SETD5: variants seen among roughly 807,000 people sequenced by gnomAD.
SETD5 encodes the protein histone-lysine N-methyltransferase SETD5.
A neutral mutation model predicts 153.3 loss-of-function variants in SETD5; 44 were observed. The observed-to-expected ratio is 0.29, with a 90% CI of 0.23 to 0.37. SETD5 has a LOEUF of 0.37. Ranked by LOEUF, SETD5 falls within the 10% of genes least tolerant of loss-of-function variation. SETD5 has a pLI of 1.00. For missense variants in SETD5, 1,544 were observed against 1,768.0 expected (o/e 0.87, Z 2.27); for synonymous variants, 716 against 645.2 (o/e 1.11, Z -1.66).
Position 9,445,115 on chromosome 3 carries a change from A to T in SETD5, c.1255A>T (p.Asn419Tyr). 1 of 1,614,004 alleles carries T rather than the reference A, an allele frequency of 6.2e-7. No homozygotes were observed. Among genetic ancestry groups the T allele is most frequent in the Non-Finnish European group, 8.5e-7 (1 of 1,179,886 alleles). ...TTGTCCTATACAAAAAAGGAATCCT[A>T]ATGCTACAGAACTGCCACTCCTACC... Reference protein sequence around the residue: ...RNCPIQKRNPNATELPLLPPP... With the variant: ...RNCPIQKRNPYATELPLLPPP... Residue 419 changes from asparagine (N) to tyrosine (Y), a missense_variant, in exon 12 of 23, where the codon AAT (asparagine) becomes TAT (tyrosine). By Grantham distance (143) the Asn-to-Tyr change is moderately radical. Transcript: ENST00000402198.
intron 18 of SETD5, among the ~76,000 whole-genome samples, chr3:9,469,666 T>G (rs1227956692): frequency 6.6e-6 from 1 of 152,238 alleles, no homozygotes; most frequent in Non-Finnish European, 1.5e-5. Flanking sequence ...TCTGGTTTTC[T>G]GGTACCATTC....
chr3:9,446,946 A>G (rs2042091973), intron 13 of SETD5, 104 bp from the exon 14 acceptor site: 2 of 723,592 alleles, frequency 2.8e-6, no homozygotes, highest in East Asian at 2.7e-5. Flanking sequence ...TCTTACTGGT[A>G]GTTAAATGAA....
Position 9,435,719 on chromosome 3 carries a change from AT to A in SETD5, c.389-4del. On this transcript the variant is annotated splice_region_variant and splice_polypyrimidine_tract_variant and intron_variant, in intron 6 of 22. Coordinates refer to ENST00000402198, the MANE Select transcript of SETD5 (RefSeq NM_001080517.3). ...TTAGTACCTGAACTATGAAATCATC[AT>A]TTTTCAGGTGGGGATAGCAGTGCAA... is the stretch of plus-strand genomic sequence containing the variant. 1.3e-6 allele frequency: 2 copies of A among 1,561,488 alleles called. No individual in the cohort carries two copies. Among genetic ancestry groups the A allele is most frequent in the Non-Finnish European group, 1.7e-6 (2 of 1,156,590 alleles).
At chr3:9,456,078 A>G (rs552108252) in intron 17 of SETD5, among the ~76,000 whole-genome samples, 7 of 152,222 alleles carry the variant, frequency 4.6e-5, no homozygotes, top group Non-Finnish European at 2.9e-5. Flanking sequence ...CAAGAATACC[A>G]AAGAGACATT....
intron 17 of SETD5, among the ~76,000 whole-genome samples, chr3:9,461,682 A>G (rs2043969916): frequency 6.6e-6 from 1 of 152,208 alleles, no homozygotes; most frequent in Admixed American, 6.5e-5. Flanking sequence ...ATAAGTACTC[A>G]GTAAATATAT....
intron 1 of SETD5, among the ~76,000 whole-genome samples, chr3:9,415,702 A>G (rs1192067871): frequency 1.3e-5 from 2 of 151,744 alleles, no homozygotes; most frequent in Non-Finnish European, 2.9e-5. Flanking sequence ...GGATCCTCCC[A>G]CCTCAGCCTC....
intron 3 of SETD5, chr3:9,431,350 G>A (rs1575358535): frequency 2.0e-6 from 2 of 985,394 alleles, no homozygotes; most frequent in African/African-American, 1.7e-5. Context: ...TTCTGTGTAT[G>A]TGTCCAATTC....
Position 9,435,703 on chromosome 3 carries a change from G to C in SETD5, c.389-25G>C, listed in dbSNP as rs372624406. 4.5e-6 allele frequency: 7 copies of C among 1,546,216 alleles called. No homozygotes were observed. In the South Asian group the frequency reaches 8.8e-5, roughly 19 times the overall value. On this transcript the variant is annotated intron_variant, in intron 6 of 22. Coordinates refer to ENST00000402198, the MANE Select transcript of SETD5 (RefSeq NM_001080517.3). Reference sequence around the variant, plus strand: ...TGTACTTTTGAGGCTATTAGTACCTGAACTATGAAATCATCATTTTTCAGG... The same window carrying C: ...TGTACTTTTGAGGCTATTAGTACCTCAACTATGAAATCATCATTTTTCAGG...
chr3:9,425,055 CTTTTT>C (rs778883904), intron 2 of SETD5, among the ~76,000 whole-genome samples: 107 of 83,640 alleles, frequency 1.3e-3, no homozygotes, highest in African/African-American at 5.1e-3. Context: ...GACAATGTTT[CTTTTT>C]TTTTTTTTTT....
chr3:9,431,708 A>G (rs1002535475), intron 3 of SETD5: 9 of 985,780 alleles, frequency 9.1e-6, no homozygotes, highest in Middle Eastern at 1.0e-3. Flanking sequence ...TATTCCCTAG[A>G]CTTGCACATG....
intron 19 of SETD5, among the ~76,000 whole-genome samples, chr3:9,472,837 T>A (rs2045463670): frequency 6.6e-6 from 1 of 152,176 alleles, no homozygotes; most frequent in African/African-American, 2.4e-5. Context: ...GGAGGCTTTT[T>A]AAACTATACA....
At chr3:9,409,629 C>T (rs1334034311) in intron 1 of SETD5, among the ~76,000 whole-genome samples, 1 of 152,124 alleles carries the variant, frequency 6.6e-6, no homozygotes, top group Admixed American at 6.5e-5. Context: ...TCTGCAGAAA[C>T]CTCTTCATTC....
intron 1 of SETD5, among the ~76,000 whole-genome samples, chr3:9,420,720 T>C (rs1218952079): frequency 6.6e-6 from 1 of 152,196 alleles, no homozygotes; most frequent in African/African-American, 2.4e-5. Context: ...CTAATTTTAC[T>C]GTTCCAAATA....
chr3:9,426,152 G>A (rs1020479885), intron 2 of SETD5: 1 of 134,546 alleles, frequency 7.4e-6, no homozygotes, highest in Non-Finnish European at 1.5e-5. Flanking sequence ...TGGATATACT[G>A]TTAGGGAAAG....
At chr3:9,437,552 TAA>T (rs1222092399) in intron 7 of SETD5, among the ~76,000 whole-genome samples, 9 of 151,726 alleles carry the variant, frequency 5.9e-5, no homozygotes, top group African/African-American at 2.2e-4. Flanking sequence ...TGTGTGTGTA[TAA>T]ATATATATAT....
At position 9,407,381 on chromosome 3, in the gene SETD5, A is replaced by G. The variant is rs149504845; in HGVS notation, c.-177+9404A>G. ...TAGATGCCACTCTTACTTAAACCCT[A>G]GGCCATGTGTGGAGTCCCAGGGGAA... On this transcript the variant is annotated intron_variant, in intron 1 of 22. Coordinates refer to ENST00000402198, the MANE Select transcript of SETD5 (RefSeq NM_001080517.3). 9.4e-3 allele frequency among the ~76,000 whole-genome samples: 1,428 copies of G among 152,240 alleles called. 41 individuals carry two copies. Among genetic ancestry groups the G allele is most frequent in the East Asian group, 0.059 (306 of 5,180 alleles).
chr3:9,437,793 A>G (rs2040766394), intron 7 of SETD5, among the ~76,000 whole-genome samples: 1 of 152,122 alleles, frequency 6.6e-6, no homozygotes, highest in African/African-American at 2.4e-5. Flanking sequence ...ACCTGAGGTC[A>G]GGAATTCAAG....
At position 9,445,040 on chromosome 3, in the gene SETD5, T is replaced by C. The variant is rs963755876; in HGVS notation, c.1188-8T>C. ...GAGACAGGCATTTTGGTTGTTTCTT[T>C]GGAGCAGTAATTATAAAGTGGACTG... On this transcript the variant is annotated splice_polypyrimidine_tract_variant and splice_region_variant and intron_variant, in intron 11 of 22. Transcript: ENST00000402198. 2.5e-6 allele frequency: 4 copies of C among 1,610,576 alleles called. No individual in the cohort carries two copies. Among genetic ancestry groups the C allele is most frequent in the Non-Finnish European group, 3.4e-6 (4 of 1,178,090 alleles).
intron 20 of SETD5, 35 bp downstream of exon 20, chr3:9,473,572 GGGGT>G: frequency 6.4e-7 from 1 of 1,557,016 alleles, no homozygotes; most frequent in Non-Finnish European, 8.7e-7. Flanking sequence ...AGTTAAATTG[GGGGT>G]GGGGGGGAGT....
Sources: allele counts gnomAD v4.1 joint callset (sites outside exome capture counted in the v4.1 genomes callset), GRCh38; gene constraint gnomAD v4.1.1; transcripts MANE v1.5; gene names NCBI Gene and HGNC (gene_info 2026-07-23, HGNC 2026-07-21).